PPL: variants seen among roughly 807,000 people sequenced by gnomAD.
PPL encodes periplakin, also known as 190 kDa paraneoplastic pemphigus antigen.
A neutral mutation model predicts 194.4 loss-of-function variants in PPL; 198 were observed. The observed-to-expected ratio is 1.02, with a 90% CI of 0.91 to 1.15. PPL has a LOEUF of 1.15. Ranked by LOEUF, PPL falls within the 50% of genes most tolerant of loss-of-function variation. PPL has a pLI of 0.00. For missense variants in PPL, 2,885 were observed against 2,294.8 expected (o/e 1.26, Z -5.25); for synonymous variants, 1,220 against 972.4 (o/e 1.25, Z -4.74).
intron 1 of PPL, among the ~76,000 whole-genome samples, chr16:4,932,368 A>G (rs554971832): frequency 7.3e-5 from 11 of 151,516 alleles, no homozygotes; most frequent in African/African-American, 2.7e-4. Flanking sequence ...TGTCTGCTTG[A>G]GTCAGCTCCC....
rs1442783436 is a variant in PPL at position 4,889,241 on chromosome 16, G to GGTTTTTTTTTTTTTTTT, written c.2314-181_2314-180insAAAAAAAAAAAAAAAAC. Among the ~76,000 whole-genome samples the GGTTTTTTTTTTTTTTTT allele has an allele frequency of 9.2e-4, 61 of 66,634 alleles. 8 individuals are homozygous for GGTTTTTTTTTTTTTTTT. The highest frequency in any genetic ancestry group is 1.1e-3 in the Admixed American group (5 of 4,526). 43.7% of individuals were successfully genotyped at this position (66,634 alleles called of 152,430 possible). On this transcript the variant is annotated intron_variant, in intron 18 of 21. Transcript: ENST00000345988. ...AAAAGGCAGTTTTTTTGTTGTTGTT[G>GGTTTTTTTTTTTTTTTT]TTTTTTTTTTTTTTTTTTTTTTTTT...
At chr16:4,887,102 C>G (rs1483501234) in intron 21 of PPL, 33 bp downstream of exon 21, 5 of 1,515,364 alleles carry the variant, frequency 3.3e-6, no homozygotes, top group African/African-American at 1.4e-5. Context: ...GTTAGAACAG[C>G]CTGAAGTAGA....
chr16:4,903,905 CCT>C lies in PPL; in HGVS notation c.296_297del (p.Gln99ArgfsTer58), dbSNP rs1395997530. 1.2e-6 allele frequency: 2 copies of C among 1,614,086 alleles called. No homozygotes were observed. Among genetic ancestry groups the C allele is most frequent in the South Asian group, 1.1e-5 (1 of 91,070 alleles). ...AAIAKHMKHP[Q>X]GDMIAEDIRQ... ...ACCTACTCCTCGGCGATCATGTCCC[CCT>C]GTGGGTGCTTCATGTGCTTGGCAAT... On this transcript the variant is annotated frameshift_variant, in exon 3 of 22. Transcript: ENST00000345988. LOFTEE classifies it high-confidence loss of function.
chr16:4,900,178 A>G (rs879778844), intron 6 of PPL, among the ~76,000 whole-genome samples: 3 of 152,132 alleles, frequency 2.0e-5, no homozygotes, highest in Non-Finnish European at 4.4e-5. Flanking sequence ...TTTGCATAAC[A>G]CTTATGCAAT....
chr16:4,919,151 G>C (rs1004396592), intron 1 of PPL, among the ~76,000 whole-genome samples: 1 of 152,220 alleles, frequency 6.6e-6, no homozygotes, highest in Non-Finnish European at 1.5e-5. Context: ...TACTCAGAGG[G>C]TAACACGGAC....
At position 4,883,394 on chromosome 16, in the gene PPL, C is replaced by T. The variant is rs1008880946; in HGVS notation, c.5261G>A (p.Gly1754Glu). The T allele has an allele frequency of 1.2e-6, 2 of 1,614,020 alleles. No individual in the cohort carries two copies. Among genetic ancestry groups the T allele is most frequent in the Non-Finnish European group, 1.7e-6 (2 of 1,180,028 alleles). Residue 1754 changes from glycine to glutamate, a missense_variant, in exon 22 of 22, where the codon GGG (glycine) becomes GAG (glutamate). By Grantham distance (98) the Gly-to-Glu change is moderately conservative. Transcript: ENST00000345988. This position sits in a 1 kb window ranked among gnomAD's most constrained non-coding sequence, Gnocchi z 4.8. ...SIQELAVLVSGQK is the reference protein window; with the variant it reads ...SIQELAVLVSEQK ...TTGCAAGAGCTGTGCCTACTTCTGC[C>T]CAGATACCAAGACCGCCAGCTCCTG...
intron 1 of PPL, among the ~76,000 whole-genome samples, chr16:4,922,283 T>C (rs1023880009): frequency 1.1e-4 from 16 of 152,238 alleles, no homozygotes; most frequent in African/African-American, 3.6e-4. Flanking sequence ...AGAACAGATA[T>C]GGGGTGCTGC....
rs766964545 is a variant in PPL, at chr16:4,883,688, C to T, written c.4967G>A (p.Arg1656His). The change falls in exon 22 of 22, where the codon CGC (arginine) becomes CAC (histidine). Residue 1656 changes from arginine (R) to histidine (H), a missense_variant. Coordinates refer to ENST00000345988, the MANE Select transcript of PPL (RefSeq NM_002705.5). The surrounding 1 kb of genome is among the most constrained non-coding windows in gnomAD (Gnocchi z 4.8). ...KREQRENHLRRSIVVIHPDTG... is the reference protein window; with the variant it reads ...KREQRENHLRHSIVVIHPDTG... The stretch of plus-strand genomic sequence containing the variant: ...GTCAGGGTGGATGACTACGATGGAG[C>T]GCCGCAGGTGGTTCTCCCGCTGCTC... 39 of 1,613,904 alleles carry T rather than the reference C, an allele frequency of 2.4e-5. No individual in the cohort carries two copies. The Admixed American group carries it at 3.5e-4, about 14-fold the overall frequency.
chr16:4,921,014 G>A (rs910338142), intron 1 of PPL, among the ~76,000 whole-genome samples: 2 of 152,204 alleles, frequency 1.3e-5, no homozygotes, highest in African/African-American at 2.4e-5. Context: ...CCTTGTTGAC[G>A]CTGTGGGTCA....
chr16:4,920,955 C>A (rs1239711893), intron 1 of PPL, among the ~76,000 whole-genome samples: 4 of 152,128 alleles, frequency 2.6e-5, no homozygotes, highest in African/African-American at 7.2e-5. Context: ...CACCAGTGGG[C>A]CTGAATGAGG....
intron 17 of PPL, 110 bp from the exon 18 acceptor site, chr16:4,890,444 C>T (rs2088297988): frequency 2.3e-6 from 3 of 1,323,490 alleles, no homozygotes; most frequent in Admixed American, 2.8e-5. Context: ...CAGAAATACC[C>T]CAAGTATCTC....
At chr16:4,921,199 C>A (rs978734599) in intron 1 of PPL, among the ~76,000 whole-genome samples, 8 of 152,208 alleles carry the variant, frequency 5.3e-5, no homozygotes, top group African/African-American at 1.9e-4. Context: ...GCTCTTGATG[C>A]AAGCAAGGAA....
At chr16:4,903,813 G>A in intron 3 of PPL, 73 bp downstream of exon 3, 1 of 1,566,078 alleles carries the variant, frequency 6.4e-7, no homozygotes, top group Non-Finnish European at 8.7e-7. Flanking sequence ...GCTCCCAAAT[G>A]CTGAACAGGA....
chr16:4,925,551 C>G (rs570895445), intron 1 of PPL, among the ~76,000 whole-genome samples: 3 of 152,196 alleles, frequency 2.0e-5, no homozygotes, highest in Non-Finnish European at 4.4e-5. Flanking sequence ...AACTTACTCA[C>G]CTTTTTGGGG....
chr16:4,906,568 C>G (rs1441866038), intron 2 of PPL, among the ~76,000 whole-genome samples: 1 of 152,332 alleles, frequency 6.6e-6, no homozygotes, highest in South Asian at 2.1e-4. Flanking sequence ...ACCAGCTTCC[C>G]TGAGCTGCAG....
intron 1 of PPL, among the ~76,000 whole-genome samples, chr16:4,911,151 G>C (rs1185327513): frequency 1.5e-5 from 2 of 135,866 alleles, no homozygotes; most frequent in African/African-American, 2.7e-5. Flanking sequence ...CAGGCGGTCA[G>C]CCTCCTTTTT....
At chr16:4,895,552 C>T (rs1179027559) in intron 10 of PPL, 42 bp downstream of exon 10, 1 of 1,612,576 alleles carries the variant, frequency 6.2e-7, no homozygotes, top group Non-Finnish European at 8.5e-7. Context: ...TAGAGGGGTC[C>T]CCCGCCCCCC....
In PPL at chr16:4,921,207, G is replaced by A. The variant is rs1241816519; in HGVS notation, c.63-10258C>T. On this transcript the variant is annotated intron_variant, in intron 1 of 21. Coordinates refer to ENST00000345988, the MANE Select transcript of PPL (RefSeq NM_002705.5). ...ATATGAGGCTCTTGATGCAAGCAAG[G>A]AAAAATGGAACCAGCAGGTCAGGAG... is the stretch of plus-strand genomic sequence containing the variant. 3.3e-5 allele frequency among the ~76,000 whole-genome samples: 5 copies of A among 152,204 alleles called. 1 individual carries two copies. The highest frequency in any genetic ancestry group is 5.9e-5 in the Non-Finnish European group (4 of 68,038).
intron 21 of PPL, 96 bp downstream of exon 21, chr16:4,887,039 C>A: frequency 9.4e-7 from 1 of 1,065,376 alleles, no homozygotes; most frequent in Non-Finnish European, 1.4e-6. Context: ...CAAGGGGACA[C>A]TTCCATCAAT....
Sources: gnomAD v4.1 joint callset for allele counts (sites outside exome capture counted in the v4.1 genomes callset) on GRCh38, gnomAD v4.1.1 for gene constraint, Gnocchi (gnomAD v3.1) non-coding constraint, MANE v1.5 for transcripts, NCBI Gene and HGNC (gene_info 2026-07-23, HGNC 2026-07-21) for gene names.